Variants in CHL1 observed in about 807,000 individuals in gnomAD.
CHL1 encodes the protein cell adhesion molecule L1 like, also known as neural cell adhesion molecule L1-like protein.
Under a neutral mutation model 141.9 loss-of-function variants are expected in CHL1, and 96 were observed. The observed-to-expected ratio is 0.68, with a 90% CI of 0.57 to 0.80. The LOEUF is 0.80. CHL1 is among the 30% of genes least tolerant of loss of function. The probability of loss-of-function intolerance (pLI) is 0.00; values close to 1 mark genes in which losing one functional copy is unlikely to be tolerated. For synonymous variants in CHL1, 613 were observed against 502.2 expected (o/e 1.22, Z -2.95); for missense variants, 1,820 against 1,457.2 (o/e 1.25, Z -4.05).
At chr3:273,202 A>G (rs331857) in intron 2 of CHL1, among the ~76,000 whole-genome samples, 1,817 of 152,218 alleles carry the variant, frequency 0.012, 41 homozygotes, top group African/African-American at 0.042. Context: ...TGCATTCTTC[A>G]GTGTTGTTGG....
At chr3:211,220 A>G (rs753014861) in intron 1 of CHL1, among the ~76,000 whole-genome samples, 1 of 152,196 alleles carries the variant, frequency 6.6e-6, no homozygotes, top group Non-Finnish European at 1.5e-5. Context: ...TTACAGCCAC[A>G]AATGGAAAAG....
At chr3:377,743 C>T in intron 15 of CHL1, 75 bp from the exon 16 acceptor site, 1 of 1,283,482 alleles carries the variant, frequency 7.8e-7, no homozygotes, top group South Asian at 1.4e-5. Context: ...AAGGAATATG[C>T]ATTTTTAAAA....
chr3:201,370 G>C lies in CHL1; in HGVS notation c.-175+4307G>C, dbSNP rs138633835. On this transcript the variant is annotated intron_variant, in intron 1 of 27. Coordinates refer to ENST00000256509, the MANE Select transcript of CHL1 (RefSeq NM_006614.4). ...TGTGTTTAGATCATAAAAATACAAA[G>C]GGACATATTCCGTTTTCAATTTTAA... Among the ~76,000 whole-genome samples, 315 of 152,236 alleles carry C rather than the reference G, an allele frequency of 2.1e-3. 1 individual carries two copies. The highest frequency in any genetic ancestry group is 7.3e-3 in the African/African-American group (304 of 41,528).
At chr3:197,900 T>C in intron 1 of CHL1, 2 of 418,732 alleles carry the variant, frequency 4.8e-6, no homozygotes, top group South Asian at 3.3e-5. Flanking sequence ...AGTGTGAGTG[T>C]GCGTGGGGAG....
At chr3:259,757 C>G (rs920091411) in intron 2 of CHL1, among the ~76,000 whole-genome samples, 1 of 152,054 alleles carries the variant, frequency 6.6e-6, no homozygotes, top group South Asian at 2.1e-4. Flanking sequence ...ATTAAATGAA[C>G]AATTGAATAA....
Position 354,736 on chromosome 3 carries a change from C to T in CHL1, c.1130C>T (p.Thr377Ile). The change falls in exon 11 of 28, where the codon ACA (threonine) becomes ATA (isoleucine). Residue 377 changes from threonine to isoleucine, a missense_variant. By Grantham distance (89) the Thr-to-Ile change is moderately conservative. Coordinates refer to ENST00000256509, the MANE Select transcript of CHL1 (RefSeq NM_006614.4). ...GAGGCTGAAGGAGAACCTCAACCCA[C>T]AATCAAGTGGAGAGTCAATGGCTCC... is the stretch of plus-strand genomic sequence containing the variant. ...LCEAEGEPQP[T>I]IKWRVNGSPV... 4.3e-6 allele frequency: 7 copies of T among 1,613,936 alleles called. No homozygotes were observed. Among genetic ancestry groups the T allele is most frequent in the Non-Finnish European group, 5.9e-6 (7 of 1,179,882 alleles).
intron 10 of CHL1, among the ~76,000 whole-genome samples, chr3:352,548 A>C (rs1703358985): frequency 6.6e-6 from 1 of 152,170 alleles, no homozygotes; most frequent in South Asian, 2.1e-4. Context: ...CATATGTCTT[A>C]GGATAATAGA....
At chr3:306,425 T>A (rs115917513) in intron 2 of CHL1, among the ~76,000 whole-genome samples, 244 of 152,248 alleles carry the variant, frequency 1.6e-3, no homozygotes, top group African/African-American at 5.7e-3. Flanking sequence ...ACCTATACCT[T>A]TTTGAATTTG....
At chr3:368,340 G>A (rs1163680333) in intron 15 of CHL1, among the ~76,000 whole-genome samples, 5 of 152,130 alleles carry the variant, frequency 3.3e-5, no homozygotes, top group Admixed American at 6.6e-5. Flanking sequence ...GCATCTCTCT[G>A]ATGATCGGTC....
chr3:331,962 C>T (rs139473091), intron 5 of CHL1, among the ~76,000 whole-genome samples: 13 of 152,306 alleles, frequency 8.5e-5, no homozygotes, highest in African/African-American at 2.6e-4. Context: ...CAACAGAATA[C>T]GTATCCACTA....
chr3:333,568 T>C (rs971471458), intron 5 of CHL1, among the ~76,000 whole-genome samples: 2 of 152,170 alleles, frequency 1.3e-5, no homozygotes, highest in Non-Finnish European at 2.9e-5. Context: ...CACGAAAAAC[T>C]ATTTAACTAA....
At chr3:243,133 G>A (rs1692826389) in intron 1 of CHL1, among the ~76,000 whole-genome samples, 1 of 152,266 alleles carries the variant, frequency 6.6e-6, no homozygotes, top group South Asian at 2.1e-4. Flanking sequence ...TCTAGATTAA[G>A]TCATGTAACA....
At chr3:400,746 G>T (rs945743807) in intron 26 of CHL1, among the ~76,000 whole-genome samples, 2 of 151,860 alleles carry the variant, frequency 1.3e-5, no homozygotes, top group African/African-American at 4.8e-5. Context: ...AGGTTGCAGT[G>T]AGCCGAGATC....
chr3:390,790 G>C lies in CHL1; in HGVS notation c.2560G>C (p.Val854Leu). ...CTGGTCAACAGTTCCAAAGGACAGA[G>C]TACATGGACGTCTGAAAGGCTATCA... is the stretch of plus-strand genomic sequence containing the variant. ...VTWSTVPKDR[V>L]HGRLKGYQIN... The change falls in exon 21 of 28, where the codon GTA becomes CTA. Residue 854 changes from valine (V) to leucine (L), a missense_variant. Coordinates refer to ENST00000256509, the MANE Select transcript of CHL1 (RefSeq NM_006614.4). 1 of 1,608,142 alleles carries C rather than the reference G, an allele frequency of 6.2e-7. No individual in the cohort carries two copies. The highest frequency in any genetic ancestry group is 1.3e-5 in the African/African-American group (1 of 74,918).
At chr3:340,520 T>C (rs1436796585) in intron 5 of CHL1, among the ~76,000 whole-genome samples, 2 of 152,138 alleles carry the variant, frequency 1.3e-5, no homozygotes, top group Non-Finnish European at 2.9e-5. Flanking sequence ...CTCAGAGAAA[T>C]ATGCACAAGT....
At chr3:362,143 G>T (rs1420004405) in intron 13 of CHL1, among the ~76,000 whole-genome samples, 1 of 152,130 alleles carries the variant, frequency 6.6e-6, no homozygotes, top group African/African-American at 2.4e-5. Context: ...CTCTATTGTT[G>T]TTGTTTTGGG....
At chr3:232,976 G>A (rs2125049913) in intron 1 of CHL1, among the ~76,000 whole-genome samples, 1 of 151,404 alleles carries the variant, frequency 6.6e-6, no homozygotes, top group South Asian at 2.1e-4. Context: ...ACCATTACTG[G>A]CAAAATCAAT....
At chr3:314,181 AT>A (rs1182273260) in intron 2 of CHL1, among the ~76,000 whole-genome samples, 1 of 151,560 alleles carries the variant, frequency 6.6e-6, no homozygotes, top group Admixed American at 6.6e-5. Flanking sequence ...CTGTTGAAAT[AT>A]TTTAGGCTGA....
intron 1 of CHL1, among the ~76,000 whole-genome samples, chr3:206,241 G>A (rs1339798245): frequency 6.6e-6 from 1 of 152,218 alleles, no homozygotes; most frequent in Non-Finnish European, 1.5e-5. Flanking sequence ...GCTGAGACGG[G>A]TGGATCACTT....
Sources: gnomAD v4.1 joint callset for allele counts (sites outside exome capture counted in the v4.1 genomes callset) on GRCh38, gnomAD v4.1.1 for gene constraint, MANE v1.5 for transcripts, NCBI Gene and HGNC (gene_info 2026-07-23, HGNC 2026-07-21) for gene names.